The following ZNF536 variants were observed in gnomAD, a reference collection of about 807,000 sequenced individuals.
The protein encoded by ZNF536 is zinc finger protein 536.
A neutral mutation model predicts 84.5 loss-of-function variants in ZNF536; 13 were observed. The observed-to-expected ratio is 0.15, with a 90% CI of 0.10 to 0.24. ZNF536 has a LOEUF of 0.24. Ranked by LOEUF, ZNF536 falls within the 10% of genes least tolerant of loss-of-function variation. The pLI, the probability that ZNF536 is intolerant of heterozygous loss-of-function variation, is 1.00. For missense variants in ZNF536, 1,536 were observed against 1,747.5 expected (o/e 0.88, Z 2.16); for synonymous variants, 811 against 742.5 (o/e 1.09, Z -1.50).
chr19:30,499,173 T>A (rs2054846444), intron 2 of ZNF536, among the ~76,000 whole-genome samples: 1 of 152,160 alleles, frequency 6.6e-6, no homozygotes, highest in Non-Finnish European at 1.5e-5. Context: ...TCATTTCCAA[T>A]AATATAATCA....
intron 2 of ZNF536, among the ~76,000 whole-genome samples, chr19:30,319,660 T>A (rs900499973): frequency 2.0e-5 from 3 of 152,254 alleles, no homozygotes; most frequent in Non-Finnish European, 4.4e-5. Flanking sequence ...CAAACTCTTA[T>A]GTAAATGTTA....
At chr19:30,336,429 G>A (rs921564063) in intron 2 of ZNF536, among the ~76,000 whole-genome samples, 4 of 152,202 alleles carry the variant, frequency 2.6e-5, no homozygotes, top group Non-Finnish European at 2.9e-5. Flanking sequence ...GAAGGACAGC[G>A]CAGGGCAGCA....
intron 3 of ZNF536, among the ~76,000 whole-genome samples, chr19:30,353,319 T>C (rs1244338187): frequency 1.3e-5 from 2 of 152,212 alleles, no homozygotes; most frequent in Non-Finnish European, 2.9e-5. Context: ...GTGGTGGTGC[T>C]ACGGCCTCGT....
chr19:30,345,289 C>T (rs1170560472), intron 2 of ZNF536, among the ~76,000 whole-genome samples: 1 of 152,234 alleles, frequency 6.6e-6, no homozygotes, highest in African/African-American at 2.4e-5. Context: ...TTCCTGTCCC[C>T]AGCCCTGTGA....
intron 1 of ZNF536, among the ~76,000 whole-genome samples, chr19:30,251,061 G>C (rs773046232): frequency 2.0e-5 from 3 of 151,994 alleles, no homozygotes; most frequent in African/African-American, 7.2e-5. Flanking sequence ...GGGTCTGTCT[G>C]CTTCCCTCTA....
intron 1 of ZNF536, among the ~76,000 whole-genome samples, chr19:30,437,262 T>C (rs925670252): frequency 6.6e-6 from 1 of 152,208 alleles, no homozygotes. Context: ...AAATTTCATT[T>C]TGAGTGAAAG....
intron 1 of ZNF536, among the ~76,000 whole-genome samples, chr19:30,375,450 C>T (rs2048778190): frequency 6.6e-6 from 1 of 152,142 alleles, no homozygotes. Flanking sequence ...GCGGCACCGA[C>T]CCGGGCGCGC....
chr19:30,264,160 A>C (rs2025372476), intron 1 of ZNF536, among the ~76,000 whole-genome samples: 2 of 152,190 alleles, frequency 1.3e-5, no homozygotes, highest in South Asian at 2.1e-4. Context: ...GGCTGGTGAA[A>C]GCTTTCTTAA....
intron 1 of ZNF536, among the ~76,000 whole-genome samples, chr19:30,667,923 A>C (rs1388402337): frequency 6.6e-5 from 10 of 152,226 alleles, no homozygotes; most frequent in African/African-American, 1.9e-4. Flanking sequence ...GGGGAAACGC[A>C]GGCTCAGAGA....
chr19:30,598,596 T>C (rs1174511018), intron 1 of ZNF536, among the ~76,000 whole-genome samples: 5 of 152,112 alleles, frequency 3.3e-5, no homozygotes, highest in African/African-American at 1.2e-4. Flanking sequence ...GAAGCATAAT[T>C]ATCCACTCCA....
At chr19:30,474,016 G>A (rs2053746807) in intron 2 of ZNF536, among the ~76,000 whole-genome samples, 2 of 152,238 alleles carry the variant, frequency 1.3e-5, no homozygotes, top group Non-Finnish European at 2.9e-5. Context: ...CTGGCCCATA[G>A]TAGCTGCTCA....
At chr19:30,683,346 T>C (rs1463672980) in intron 1 of ZNF536, among the ~76,000 whole-genome samples, 1 of 152,212 alleles carries the variant, frequency 6.6e-6, no homozygotes, top group Non-Finnish European at 1.5e-5. Context: ...CTCTAAGTAA[T>C]CTCCTTTCTA....
intron 2 of ZNF536, among the ~76,000 whole-genome samples, chr19:30,495,816 GAC>G (rs2054696138): frequency 6.6e-6 from 1 of 152,226 alleles, no homozygotes; most frequent in Non-Finnish European, 1.5e-5. Flanking sequence ...AGAGAAGAAA[GAC>G]ACAACGCAGG....
chr19:30,319,043 A>C (rs1241054161), intron 2 of ZNF536, among the ~76,000 whole-genome samples: 1 of 152,262 alleles, frequency 6.6e-6, no homozygotes, highest in African/African-American at 2.4e-5. Context: ...TGACATATCA[A>C]AGAATATGTT....
At chr19:30,605,736 C>G (rs538117176) in intron 1 of ZNF536, among the ~76,000 whole-genome samples, 1 of 152,124 alleles carries the variant, frequency 6.6e-6, no homozygotes, top group African/African-American at 2.4e-5. Flanking sequence ...TGGTGGATCT[C>G]CTTTTAGTTC....
At chr19:30,693,709 T>C (rs1265032715) in intron 1 of ZNF536, among the ~76,000 whole-genome samples, 4 of 152,204 alleles carry the variant, frequency 2.6e-5, no homozygotes, top group Non-Finnish European at 5.9e-5. Flanking sequence ...CCATCTTTCC[T>C]TTTTACTTTG....
intron 1 of ZNF536, among the ~76,000 whole-genome samples, chr19:30,410,005 G>C (rs1290775922): frequency 2.0e-5 from 3 of 151,890 alleles, no homozygotes; most frequent in African/African-American, 7.3e-5. Flanking sequence ...ATACATCAGA[G>C]ATATTAACCC....
At position 30,547,929 on chromosome 19, in the gene ZNF536, T is replaced by C; in HGVS notation, c.2324-14T>C. On this transcript the variant is annotated splice_polypyrimidine_tract_variant and intron_variant, in intron 3 of 4. Transcript: ENST00000355537. ...ATAAACGCCTCTTTTTTTTCTTATA[T>C]CAAAATCTTGCAGGTGAGAAACCCT... 1 of 1,515,100 alleles carries C rather than the reference T, an allele frequency of 6.6e-7. No homozygotes were observed. The highest frequency in any genetic ancestry group is 1.3e-5 in the South Asian group (1 of 74,392). The allele number at this position is 1,515,100 out of a possible 1,614,324, so 93.9% of individuals were successfully genotyped here.
chr19:30,287,618 GTGGGTGGATGGA>G (rs2045685152), intron 2 of ZNF536, among the ~76,000 whole-genome samples: 2 of 101,368 alleles, frequency 2.0e-5, no homozygotes, highest in African/African-American at 9.1e-5. Context: ...GGATGGATGG[GTGGGTGGATGGA>G]TGGGTGGGTG....
Sources: allele counts gnomAD v4.1 joint callset (sites outside exome capture counted in the v4.1 genomes callset), GRCh38; gene constraint gnomAD v4.1.1; transcripts MANE v1.5; gene names NCBI Gene and HGNC (gene_info 2026-07-23, HGNC 2026-07-21).